Variants in UST observed in about 807,000 individuals in gnomAD.
The protein encoded by UST is chondroitin sulfate 2-O-sulfotransferase.
UST carries 21 observed loss-of-function variants against 45.6 expected under a neutral mutation model. That is an observed-to-expected ratio of 0.46 (90% CI 0.33 to 0.66). UST has a LOEUF of 0.66. Among genes scored for constraint, UST ranks in the 30% least tolerant of loss-of-function variants. The pLI is 0.02. For synonymous variants in UST, 215 were observed against 200.6 expected (o/e 1.07, Z -0.61); for missense variants, 463 against 512.4 (o/e 0.90, Z 0.93).
intron 2 of UST, among the ~76,000 whole-genome samples, chr6:148,917,620 A>G (rs1478998015): frequency 6.6e-6 from 1 of 152,222 alleles, no homozygotes; most frequent in East Asian, 1.9e-4. Context: ...CCAAATACGT[A>G]TTACGACACT....
intron 1 of UST, among the ~76,000 whole-genome samples, chr6:148,755,763 G>T (rs1327667383): frequency 6.6e-6 from 1 of 151,576 alleles, no homozygotes; most frequent in African/African-American, 2.4e-5. Context: ...AGATCAAAAT[G>T]TTGAAGTAAT....
chr6:148,992,906 ATGTTTTTAAAT>A, intron 5 of UST: 1 of 778,186 alleles, frequency 1.3e-6, no homozygotes, highest in Non-Finnish European at 1.6e-6. Flanking sequence ...TCTTCTCAGA[ATGTTTTTAAAT>A]GCATATCATA....
At chr6:148,857,325 CTGTAAA>C (rs1778224115) in intron 1 of UST, among the ~76,000 whole-genome samples, 1 of 152,164 alleles carries the variant, frequency 6.6e-6, no homozygotes, top group African/African-American at 2.4e-5. Context: ...CGGTTTCCCA[CTGTAAA>C]TGTATATTCC....
At chr6:148,852,304 C>G (rs1056218428) in intron 1 of UST, among the ~76,000 whole-genome samples, 3 of 152,140 alleles carry the variant, frequency 2.0e-5, no homozygotes, top group Non-Finnish European at 2.9e-5. Flanking sequence ...TGAATCTATC[C>G]GAAACATATG....
intron 1 of UST, among the ~76,000 whole-genome samples, chr6:148,851,743 G>T (rs1403543089): frequency 6.6e-6 from 1 of 152,186 alleles, no homozygotes; most frequent in East Asian, 1.9e-4. Context: ...AGAACATCTG[G>T]GTTCGTGCAA....
At chr6:148,868,524 A>C (rs1778489380) in intron 1 of UST, among the ~76,000 whole-genome samples, 1 of 152,230 alleles carries the variant, frequency 6.6e-6, no homozygotes, top group African/African-American at 2.4e-5. Context: ...CAAAACAGCC[A>C]GGCTTTTAGA....
At chr6:149,010,856 C>A (rs1775794255) in intron 5 of UST, among the ~76,000 whole-genome samples, 2 of 122,676 alleles carry the variant, frequency 1.6e-5, no homozygotes, top group African/African-American at 6.2e-5. Context: ...CGCGCCTCTG[C>A]ACTGCAGCCT....
chr6:148,919,547 G>C (rs753159466), intron 2 of UST, among the ~76,000 whole-genome samples: 1 of 152,090 alleles, frequency 6.6e-6, no homozygotes, highest in African/African-American at 2.4e-5. Flanking sequence ...TGTCTTTAAG[G>C]TTTTTCTACA....
chr6:148,983,690 G>T lies in UST; in HGVS notation c.681+19127G>T, dbSNP rs547169646. On this transcript the variant is annotated intron_variant, in intron 5 of 7. Coordinates refer to ENST00000367463, the MANE Select transcript of UST (RefSeq NM_005715.3). ...TCAAGAAGAAATTTGTGAAGTACAAGAATGTCTGAAAAGAGCGTATGTTAA... is the reference window on the plus strand; with the variant it reads ...TCAAGAAGAAATTTGTGAAGTACAATAATGTCTGAAAAGAGCGTATGTTAA... Among the ~76,000 whole-genome samples, 15 of 152,330 alleles carry T rather than the reference G, an allele frequency of 9.8e-5. No individual in the cohort carries two copies. The South Asian group carries it at 2.9e-3, about 29-fold the overall frequency.
chr6:148,819,540 T>C (rs552485107), intron 1 of UST, among the ~76,000 whole-genome samples: 1 of 152,388 alleles, frequency 6.6e-6, no homozygotes, highest in East Asian at 1.9e-4. Flanking sequence ...TGACAACTTA[T>C]ACAGACTTTG....
At chr6:148,872,987 G>C (rs1365564331) in intron 1 of UST, among the ~76,000 whole-genome samples, 1 of 152,136 alleles carries the variant, frequency 6.6e-6, no homozygotes, top group Non-Finnish European at 1.5e-5. Flanking sequence ...ACAGGTTTTG[G>C]AGATGAGGAC....
At chr6:148,860,439 A>G (rs1287246961) in intron 1 of UST, among the ~76,000 whole-genome samples, 1 of 152,226 alleles carries the variant, frequency 6.6e-6, no homozygotes, top group African/African-American at 2.4e-5. Context: ...TGTCATCTGC[A>G]AACAGGGACA....
chr6:148,865,710 GTGT>G (rs777423330), intron 1 of UST, among the ~76,000 whole-genome samples: 9,912 of 101,398 alleles, frequency 0.098, 516 homozygotes, highest in East Asian at 0.34. Context: ...GTGTGTGTGT[GTGT>G]GAATTCAGAG....
At chr6:149,071,090 A>G (rs1379032540) in intron 7 of UST, among the ~76,000 whole-genome samples, 2 of 152,172 alleles carry the variant, frequency 1.3e-5, no homozygotes, top group Admixed American at 6.5e-5. Flanking sequence ...TAAATGTACA[A>G]TTAAATTATT....
At chr6:149,004,610 T>A (rs1244781688) in intron 5 of UST, among the ~76,000 whole-genome samples, 1 of 152,198 alleles carries the variant, frequency 6.6e-6, no homozygotes, top group Admixed American at 6.5e-5. Flanking sequence ...TCTATTCCAC[T>A]GGAGGTAGTA....
At chr6:149,056,117 C>CT (rs34191810) in intron 7 of UST, among the ~76,000 whole-genome samples, 1,054 of 81,098 alleles carry the variant, frequency 0.013, 98 homozygotes, top group African/African-American at 0.036. Context: ...CTTTTCTTTT[C>CT]TTTTTTTTTT....
chr6:149,007,848 C>G (rs1775743095), intron 5 of UST, among the ~76,000 whole-genome samples: 1 of 152,158 alleles, frequency 6.6e-6, no homozygotes, highest in African/African-American at 2.4e-5. Flanking sequence ...CTCTTGCTGT[C>G]TTACATTTTT....
At chr6:148,768,997 G>A (rs1333800732) in intron 1 of UST, among the ~76,000 whole-genome samples, 1 of 152,212 alleles carries the variant, frequency 6.6e-6, no homozygotes, top group Admixed American at 6.5e-5. Context: ...GGCAGACATG[G>A]CCACTGTCCT....
intron 5 of UST, among the ~76,000 whole-genome samples, chr6:149,010,913 A>AAAAACAAC (rs1554234082): frequency 1.1e-5 from 1 of 92,968 alleles, no homozygotes; most frequent in South Asian, 3.9e-4. Flanking sequence ...AAAAAAAAAA[A>AAAAACAAC]AAAAAACTGT....
Sources: allele counts gnomAD v4.1 joint callset (sites outside exome capture counted in the v4.1 genomes callset), GRCh38; gene constraint gnomAD v4.1.1; transcripts MANE v1.5; gene names NCBI Gene and HGNC (gene_info 2026-07-23, HGNC 2026-07-21).